Variants in PREX1 observed in about 807,000 individuals in gnomAD.
PREX1 encodes the protein phosphatidylinositol 3,4,5-trisphosphate-dependent Rac exchanger 1 protein.
In PREX1, 41 loss-of-function variants were observed where a neutral mutation model predicts 198.3. That is an observed-to-expected ratio of 0.21 (90% CI 0.16 to 0.27). The LOEUF (loss-of-function observed/expected upper bound fraction) is 0.27, where lower values mean the gene tolerates loss of function less well. Among genes scored for constraint, PREX1 ranks in the 10% least tolerant of loss-of-function variants. The pLI is 1.00. For missense variants in PREX1, 1,620 were observed against 2,200.7 expected, an observed-to-expected ratio of 0.74 and a Z score of 5.28; for synonymous variants, 843 against 887.2, an observed-to-expected ratio of 0.95 and a Z score of 0.89.
chr20:48,707,568 A>G (rs1434148911), intron 6 of PREX1, among the ~76,000 whole-genome samples: 2 of 152,246 alleles, frequency 1.3e-5, no homozygotes, highest in African/African-American at 2.4e-5. Context: ...ATCTCTGCCC[A>G]AGAGACTTTC....
chr20:48,653,383 C>T lies in PREX1; in HGVS notation c.2324G>A (p.Arg775Gln), dbSNP rs765882639. The T allele has an allele frequency of 9.3e-6, 15 of 1,613,674 alleles. No individual in the cohort carries two copies. The highest frequency in any genetic ancestry group is 6.7e-5 in the East Asian group (3 of 44,882). ...PEVLEHFQAF[R>Q]SRREEALGLY... ...TACCAGGGCCTCTTCGCGCCGACTCCGGAATGCCTGGAAGTGCTCCAGGAC... is the reference window on the plus strand; with the variant it reads ...TACCAGGGCCTCTTCGCGCCGACTCTGGAATGCCTGGAAGTGCTCCAGGAC... The change falls in exon 20 of 40, where the codon CGG becomes CAG. Residue 775 changes from arginine (R) to glutamine (Q), a missense_variant. Arg to Gln is a conservative substitution (Grantham distance 43). This residue lies in a region of PREX1 where 514 missense variants were observed against 611.6 expected (regional missense o/e 0.84). Coordinates refer to ENST00000371941, the MANE Select transcript of PREX1 (RefSeq NM_020820.4).
chr20:48,778,923 G>T (rs1355554828), intron 1 of PREX1, among the ~76,000 whole-genome samples: 1 of 151,964 alleles, frequency 6.6e-6, no homozygotes, highest in Non-Finnish European at 1.5e-5. Flanking sequence ...GAAAACAGGA[G>T]AAAATCCTTG....
In PREX1 at chr20:48,625,731, T is replaced by A. The variant is rs1291408388; in HGVS notation, c.*154A>T. ...TCATCACAGCGAGGGTGGCCAGGCTTGTCCCGGAAGGAGGCAGGGAGGACG... is the reference window on the plus strand; with the variant it reads ...TCATCACAGCGAGGGTGGCCAGGCTAGTCCCGGAAGGAGGCAGGGAGGACG... On this transcript the variant is annotated 3_prime_UTR_variant, in exon 40 of 40. Transcript: ENST00000371941. 1 of 939,058 alleles carries A rather than the reference T, an allele frequency of 1.1e-6. No homozygotes were observed. The highest frequency in any genetic ancestry group is 3.2e-5 in the East Asian group (1 of 31,664). The allele number at this position is 939,058 out of a possible 1,614,324, so 58.2% of individuals were successfully genotyped here.
At chr20:48,704,174 A>G (rs1377249892) in intron 6 of PREX1, among the ~76,000 whole-genome samples, 1 of 152,236 alleles carries the variant, frequency 6.6e-6, no homozygotes. Flanking sequence ...TCATGGTCAC[A>G]TAGGTGGTAA....
Position 48,691,616 on chromosome 20 carries a change from C to G in PREX1, c.1037-520G>C, listed in dbSNP as rs938156134. On this transcript the variant is annotated intron_variant, in intron 8 of 39. Transcript: ENST00000371941. This position sits in a 1 kb window ranked among gnomAD's most constrained non-coding sequence, Gnocchi z 5.0. ...GAGACTGCCAAAGGGGACTGTGGCT[C>G]AAAACCAAGCAAGAACCCCTGCTCT... 2.0e-5 allele frequency among the ~76,000 whole-genome samples: 3 copies of G among 152,144 alleles called. No individual in the cohort carries two copies. Among genetic ancestry groups the G allele is most frequent in the Non-Finnish European group, 4.4e-5 (3 of 68,018 alleles).
At chr20:48,882,525 A>AAAAAAAAAAAG in the PREX1 span, among the ~76,000 whole-genome samples, 5 of 97,846 alleles carry the variant, frequency 5.1e-5, no homozygotes, top group Non-Finnish European at 7.8e-5. Context: ...AAAAAAAAAA[A>AAAAAAAAAAAG]AGAGAGAATC....
chr20:48,794,149 G>A (rs2090350262), intron 1 of PREX1, among the ~76,000 whole-genome samples: 1 of 152,164 alleles, frequency 6.6e-6, no homozygotes, highest in African/African-American at 2.4e-5. Context: ...GCTACTGGGA[G>A]CTGCAAACGA....
Position 48,747,847 on chromosome 20 carries a change from C to A in PREX1, c.253G>T (p.Asp85Tyr). ...TCCGTGAGGCCCTTCTCCACTGAGT[C>A]GGCCACGTTCTGCCGGATGCGATGC... ...FLHRIRQNVADSVEKGLTEEN... is the reference protein window; with the variant it reads ...FLHRIRQNVAYSVEKGLTEEN... Residue 85 changes from aspartate to tyrosine, a missense_variant, in exon 2 of 40, where the codon GAC becomes TAC. Physicochemically the swap from Asp to Tyr is radical, Grantham distance 160. Transcript: ENST00000371941. 2 of 1,613,558 alleles carry A rather than the reference C, an allele frequency of 1.2e-6. No homozygotes were observed. The highest frequency in any genetic ancestry group is 2.2e-5 in the South Asian group (2 of 90,894).
chr20:48,627,383 G>C (rs1302795667), intron 39 of PREX1, among the ~76,000 whole-genome samples, 165 bp downstream of exon 39: 1 of 151,960 alleles, frequency 6.6e-6, no homozygotes, highest in African/African-American at 2.4e-5. Context: ...AGCTCCTTTG[G>C]GAGGTGACAA....
Position 48,688,763 on chromosome 20 carries a change from C to T in PREX1, c.1228G>A (p.Ala410Thr). The change falls in exon 10 of 40, where the codon GCG becomes ACG. Residue 410 changes from alanine to threonine, a missense_variant. Transcript: ENST00000371941. Reference sequence around the variant, plus strand: ...TGGTACAGCTTCTCCCCCTTCTCCGCAATCATGACGTAGGCATCACGCTCC... The same window carrying T: ...TGGTACAGCTTCTCCCCCTTCTCCGTAATCATGACGTAGGCATCACGCTCC... ...GMERDAYVMI[A>T]EKGEKLYHMM... is the part of the protein sequence containing the mutation. The T allele has an allele frequency of 1.2e-6, 2 of 1,614,194 alleles. No homozygotes were observed. The highest frequency in any genetic ancestry group is 1.7e-6 in the Non-Finnish European group (2 of 1,180,024).
At chr20:48,854,347 A>ATG in the PREX1 span, among the ~76,000 whole-genome samples, 4,095 of 152,018 alleles carry the variant, frequency 0.027, 206 homozygotes, top group African/African-American at 0.094. Flanking sequence ...GGATGTGTAT[A>ATG]TGTGTGTGTG....
chr20:48,823,612 G>A (rs1416962960), intron 1 of PREX1, among the ~76,000 whole-genome samples: 4 of 152,306 alleles, frequency 2.6e-5, no homozygotes, highest in East Asian at 1.9e-4. Context: ...GCAAGAACTC[G>A]GCAGCCTGCC....
intron 7 of PREX1, among the ~76,000 whole-genome samples, chr20:48,697,425 G>A (rs1167541900): frequency 6.6e-6 from 1 of 150,540 alleles, no homozygotes; most frequent in African/African-American, 2.4e-5. Flanking sequence ...CTGTCCCCCA[G>A]GCTGGAGTGC....
intron 27 of PREX1, 166 bp from the exon 28 acceptor site, chr20:48,642,655 C>G: frequency 1.7e-6 from 1 of 584,604 alleles, no homozygotes; most frequent in East Asian, 2.9e-5. Flanking sequence ...ATCACCTGAC[C>G]TCTCTGAGCC....
chr20:48,666,368 A>G lies in PREX1; in HGVS notation c.1666-13T>C. On this transcript the variant is annotated splice_polypyrimidine_tract_variant and intron_variant, in intron 14 of 39. Coordinates refer to ENST00000371941, the MANE Select transcript of PREX1 (RefSeq NM_020820.4). The surrounding 1 kb of genome is among the most constrained non-coding windows in gnomAD (Gnocchi z 4.3). Reference sequence around the variant, plus strand: ...TCTGGCAGTCTCCCTGGAATGGAACAAGAAGGGGAGGGTGTTAGGTGGCAG... The same window carrying G: ...TCTGGCAGTCTCCCTGGAATGGAACGAGAAGGGGAGGGTGTTAGGTGGCAG... 4 of 1,550,158 alleles carry G rather than the reference A, an allele frequency of 2.6e-6. No individual in the cohort carries two copies. In the South Asian group the frequency reaches 3.6e-5, roughly 14 times the overall value.
chr20:48,650,157 G>T lies in PREX1; in HGVS notation c.2867C>A (p.Pro956His). ...GCCACACAGCGGGTGGGGCTCCAGG[G>T]GGGCTTGTTTGAAGGGTGGGCTGAC... ...SRVSPPFKQA[P>H]LEPHPLCGLD... Residue 956 changes from proline (P) to histidine (H), a missense_variant, in exon 24 of 40, where the codon CCC becomes CAC. Pro to His is a moderately conservative substitution (Grantham distance 77). Coordinates refer to ENST00000371941, the MANE Select transcript of PREX1 (RefSeq NM_020820.4). 1 of 1,613,964 alleles carries T rather than the reference G, an allele frequency of 6.2e-7. No individual in the cohort carries two copies. The highest frequency in any genetic ancestry group is 1.1e-5 in the South Asian group (1 of 91,072).
At chr20:48,812,864 A>T (rs542003925) in intron 1 of PREX1, among the ~76,000 whole-genome samples, 1 of 152,392 alleles carries the variant, frequency 6.6e-6, no homozygotes, top group Admixed American at 6.5e-5. Flanking sequence ...ACGAGGAAGT[A>T]TGCACAAGCA....
At chr20:48,852,978 G>A in the PREX1 span, among the ~76,000 whole-genome samples, 1 of 152,126 alleles carries the variant, frequency 6.6e-6, no homozygotes, top group Non-Finnish European at 1.5e-5. Flanking sequence ...GGTATGTGGG[G>A]AATATTTATA....
At chr20:48,768,363 C>T (rs868457315) in intron 1 of PREX1, among the ~76,000 whole-genome samples, 3 of 152,158 alleles carry the variant, frequency 2.0e-5, no homozygotes, top group South Asian at 2.1e-4. Context: ...TGCTAACACA[C>T]GCAGCAAACT....
Sources: allele counts gnomAD v4.1 joint callset (sites outside exome capture counted in the v4.1 genomes callset), GRCh38; gene constraint gnomAD v4.1.1; regional missense constraint gnomAD v4.1.1; non-coding constraint Gnocchi (gnomAD v3.1); transcripts MANE v1.5; gene names NCBI Gene and HGNC (gene_info 2026-07-23, HGNC 2026-07-21).